Variants in HNRNPM observed in about 807,000 individuals in gnomAD.
HNRNPM encodes CEA receptor.
A neutral mutation model predicts 73.1 loss-of-function variants in HNRNPM; 11 were observed. That is an observed-to-expected ratio of 0.15 (90% CI 0.09 to 0.25). HNRNPM has a LOEUF of 0.25. Ranked by LOEUF, HNRNPM falls within the 10% of genes least tolerant of loss-of-function variation. HNRNPM has a pLI of 1.00. For missense variants in HNRNPM, 789 were observed against 1,067.9 expected (o/e 0.74, Z 3.64); for synonymous variants, 407 against 355.2 (o/e 1.15, Z -1.64).
intron 3 of HNRNPM, among the ~76,000 whole-genome samples, 163 bp from the exon 4 acceptor site, chr19:8,463,334 C>CA (rs1969517512): frequency 6.6e-6 from 1 of 152,202 alleles, no homozygotes; most frequent in Admixed American, 6.5e-5. Context: ...CGAGGCGAGG[C>CA]ACTTCTGTCA....
intron 1 of HNRNPM, among the ~76,000 whole-genome samples, chr19:8,452,561 G>C (rs1406886497): frequency 6.6e-6 from 1 of 152,188 alleles, no homozygotes. Context: ...GACCTGCTTT[G>C]TGGTGTGAAG....
chr19:8,461,653 G>A (rs935414294), intron 2 of HNRNPM, among the ~76,000 whole-genome samples: 2 of 152,076 alleles, frequency 1.3e-5, no homozygotes, highest in South Asian at 4.1e-4. Context: ...TTTCCCTTTT[G>A]TGTAGATTAG....
intron 1 of HNRNPM, among the ~76,000 whole-genome samples, chr19:8,452,067 A>G (rs972638735): frequency 1.3e-5 from 2 of 152,190 alleles, no homozygotes; most frequent in Non-Finnish European, 2.9e-5. Flanking sequence ...CGCTTTCTCA[A>G]TGGTGAGTCA....
rs759731687 is a variant in HNRNPM, at chr19:8,485,754, C to CCGCATGGGCTCCGTGGAG, written c.1340_1357dup (p.Val447_Ser452dup). 578 of 1,602,852 alleles carry CCGCATGGGCTCCGTGGAG rather than the reference C, an allele frequency of 3.6e-4. 1 individual carries two copies. The highest frequency in any genetic ancestry group is 5.0e-4 in the Middle Eastern group (3 of 6,054). ...TCGAGCGCATGGGCCTGGTCATGGA[C>CCGCATGGGCTCCGTGGAG]CGCATGGGCTCCGTGGAGCGCATGG... On this transcript the variant is annotated inframe_insertion, in exon 14 of 16. Coordinates refer to ENST00000325495, the MANE Select transcript of HNRNPM (RefSeq NM_005968.5).
At position 8,451,243 on chromosome 19, in the gene HNRNPM, A is replaced by C. The variant is rs372435044; in HGVS notation, c.114-4162A>C. Among the ~76,000 whole-genome samples, 11 of 152,026 alleles carry C rather than the reference A, an allele frequency of 7.2e-5. No individual in the cohort carries two copies. In the East Asian group the frequency reaches 2.1e-3, roughly 30 times the overall value. On this transcript the variant is annotated intron_variant, in intron 1 of 15. Coordinates refer to ENST00000325495, the MANE Select transcript of HNRNPM (RefSeq NM_005968.5). ...TGTTTATTAGAGACAGGTTTCCACC[A>C]TGTTGGCCAGGCTGGTCTTGAACTC...
chr19:8,474,316 T>C, intron 12 of HNRNPM, 72 bp downstream of exon 12: 1 of 993,998 alleles, frequency 1.0e-6, no homozygotes, highest in Non-Finnish European at 1.5e-6. Context: ...ACTTTTAGGC[T>C]GCAGACCCAC....
rs938206321 is a variant in HNRNPM, at chr19:8,487,033, G to A, written c.1987G>A (p.Asp663Asn). 3 of 1,613,570 alleles carry A rather than the reference G, an allele frequency of 1.9e-6. No individual in the cohort carries two copies. The highest frequency in any genetic ancestry group is 1.3e-5 in the African/African-American group (1 of 74,908). ...TTCTTCTCCCCTTCAGCTGCCATTC[G>A]ATTTCACATGGAAGATGCTAAAGGA... Reference protein sequence around the residue: ...CQIFVRNLPFDFTWKMLKDKF... With the variant: ...CQIFVRNLPFNFTWKMLKDKF... The change falls in exon 15 of 16, where the codon GAT (aspartate) becomes AAT (asparagine). Residue 663 changes from aspartate to asparagine, a missense_variant. By Grantham distance (23) the Asp-to-Asn change is conservative (BLOSUM62 1). Coordinates refer to ENST00000325495, the MANE Select transcript of HNRNPM (RefSeq NM_005968.5).
intron 1 of HNRNPM, among the ~76,000 whole-genome samples, chr19:8,446,242 C>G (rs889782244): frequency 6.6e-6 from 1 of 152,210 alleles, no homozygotes; most frequent in Admixed American, 6.5e-5. Flanking sequence ...GTAACCGTCA[C>G]TGCTTCATGT....
At chr19:8,450,864 G>A (rs892307508) in intron 1 of HNRNPM, among the ~76,000 whole-genome samples, 1 of 149,822 alleles carries the variant, frequency 6.7e-6, no homozygotes, top group Non-Finnish European at 1.5e-5. Flanking sequence ...CGAGTAGCTA[G>A]GATTACAGGC....
chr19:8,474,993 G>A (rs563097668), intron 12 of HNRNPM, among the ~76,000 whole-genome samples: 83 of 152,232 alleles, frequency 5.5e-4, no homozygotes, highest in Non-Finnish European at 1.1e-3. Context: ...GGGATTACAG[G>A]CGTGAGCCAC....
Position 8,471,413 on chromosome 19 carries a change from A to G in HNRNPM, c.983A>G (p.Asn328Ser). The G allele has an allele frequency of 6.2e-7, 1 of 1,601,220 alleles. No individual in the cohort carries two copies. The highest frequency in any genetic ancestry group is 8.5e-7 in the Non-Finnish European group (1 of 1,172,870). Residue 328 changes from asparagine to serine, a missense_variant, in exon 10 of 16, where the codon AAC (asparagine) becomes AGC (serine). Asn to Ser is a conservative substitution (Grantham distance 46). Coordinates refer to ENST00000325495, the MANE Select transcript of HNRNPM (RefSeq NM_005968.5). ...CTGAATAAAGGCATCGGAATGGGAA[A>G]CATAGGTCCCGCAGGTGAGAATGAC... ...NHLNKGIGMG[N>S]IGPAGMGMEG...
In HNRNPM at chr19:8,462,900, A is replaced by G. The variant is rs1175967309; in HGVS notation, c.336+319A>G. ...TTATGCATGGAATTTTAGCGGTGGT[A>G]TAATTAATGTAAAACGTGTGTTCTT... On this transcript the variant is annotated intron_variant, in intron 3 of 15. Transcript: ENST00000325495. The surrounding 1 kb of genome is among the most constrained non-coding windows in gnomAD (Gnocchi z 4.5). Among the ~76,000 whole-genome samples the G allele has an allele frequency of 6.6e-6, 1 of 152,218 alleles. No homozygotes were observed. Among genetic ancestry groups the G allele is most frequent in the Non-Finnish European group, 1.5e-5 (1 of 68,046 alleles).
At chr19:8,468,299 T>G (rs1969896263) in intron 8 of HNRNPM, among the ~76,000 whole-genome samples, 1 of 152,216 alleles carries the variant, frequency 6.6e-6, no homozygotes, top group Non-Finnish European at 1.5e-5. Flanking sequence ...GTTGGAGCAC[T>G]TCAATCTTAA....
chr19:8,450,727 A>ATT (rs770745543), intron 1 of HNRNPM, among the ~76,000 whole-genome samples: 5,133 of 125,268 alleles, frequency 0.041, 143 homozygotes, highest in East Asian at 0.091. Flanking sequence ...TATTATTATT[A>ATT]TTTTTTTTTT....
At chr19:8,456,466 G>A (rs1171849766) in intron 2 of HNRNPM, among the ~76,000 whole-genome samples, 8 of 152,202 alleles carry the variant, frequency 5.3e-5, no homozygotes, top group South Asian at 2.1e-4. Context: ...GCCTTGAGGC[G>A]CCCTCCCCGC....
chr19:8,483,527 GGT>G (rs1289752647), intron 13 of HNRNPM, among the ~76,000 whole-genome samples: 4 of 152,022 alleles, frequency 2.6e-5, no homozygotes, highest in African/African-American at 9.7e-5. Flanking sequence ...CTCTTTTGGG[GGT>G]TTTGTTTTCC....
At chr19:8,480,276 G>A (rs1364018283) in intron 12 of HNRNPM, among the ~76,000 whole-genome samples, 11 of 146,934 alleles carry the variant, frequency 7.5e-5, no homozygotes, top group Admixed American at 2.0e-4. Context: ...CTTGGGAGGC[G>A]GAGGTTGCAG....
In HNRNPM at chr19:8,476,701, A is replaced by G. The variant is rs1047357619; in HGVS notation, c.1120+2457A>G. Among the ~76,000 whole-genome samples, 5 of 152,338 alleles carry G rather than the reference A, an allele frequency of 3.3e-5. No homozygotes were observed. In the East Asian group the frequency reaches 9.6e-4, roughly 29 times the overall value. On this transcript the variant is annotated intron_variant, in intron 12 of 15. Coordinates refer to ENST00000325495, the MANE Select transcript of HNRNPM (RefSeq NM_005968.5). ...CCCTGAGCTCTGGGGCCCTGTTGACAGCCAGTAAGATGAGTTATGAGGTCC... is the reference window on the plus strand; with the variant it reads ...CCCTGAGCTCTGGGGCCCTGTTGACGGCCAGTAAGATGAGTTATGAGGTCC...
intron 15 of HNRNPM, 106 bp from the exon 16 acceptor site, chr19:8,488,585 T>G: frequency 1.0e-6 from 1 of 966,266 alleles, no homozygotes; most frequent in African/African-American, 1.6e-5. Flanking sequence ...CATTGTATTC[T>G]GAGCCTTTGT....
Sources: gnomAD v4.1 joint callset for allele counts (sites outside exome capture counted in the v4.1 genomes callset) on GRCh38, gnomAD v4.1.1 for gene constraint, Gnocchi (gnomAD v3.1) non-coding constraint, MANE v1.5 for transcripts, NCBI Gene and HGNC (gene_info 2026-07-23, HGNC 2026-07-21) for gene names.